Variants in KDM5A observed in about 807,000 individuals in gnomAD.
KDM5A encodes the protein lysine demethylase 5A.
In KDM5A, 42 loss-of-function variants were observed where a neutral mutation model predicts 193.5. The ratio of observed to expected loss-of-function variants is 0.22; its 90% CI spans 0.17 to 0.28. KDM5A has a LOEUF of 0.28. KDM5A is among the 10% of genes least tolerant of loss of function. KDM5A has a pLI of 1.00. For synonymous variants in KDM5A, 796 were observed against 718.1 expected, an observed-to-expected ratio of 1.11 and a Z score of -1.73; for missense variants, 1,692 against 2,055.1, an observed-to-expected ratio of 0.82 and a Z score of 3.42.
intron 17 of KDM5A, among the ~76,000 whole-genome samples, chr12:321,474 A>G (rs549491077): frequency 6.6e-6 from 1 of 152,350 alleles, no homozygotes; most frequent in Admixed American, 6.5e-5. Context: ...AAGTGCTTCA[A>G]AATTTTGTGT....
intron 1 of KDM5A, chr12:388,199 C>A: frequency 2.3e-6 from 1 of 439,112 alleles, no homozygotes; most frequent in Admixed American, 2.6e-5. Flanking sequence ...GCATTAATCC[C>A]CTCCACACAA....
chr12:347,816 GA>G (rs1219381470), intron 10 of KDM5A, among the ~76,000 whole-genome samples: 1 of 152,156 alleles, frequency 6.6e-6, no homozygotes, highest in Non-Finnish European at 1.5e-5. Flanking sequence ...AACCCTAGAA[GA>G]AAACCTAGGC....
At position 333,607 on chromosome 12, in the gene KDM5A, T is replaced by C. The variant is rs1196158505; in HGVS notation, c.1533A>G (p.Ala511=). 3.7e-6 allele frequency: 6 copies of C among 1,614,106 alleles called. No homozygotes were observed. Among genetic ancestry groups the C allele is most frequent in the Non-Finnish European group, 5.1e-6 (6 of 1,179,998 alleles). ...KTWYGVPSHA[A]EQLEEVMREL... The stretch of plus-strand genomic sequence containing the variant: ...CTCTCATCACCTCCTCCAGTTGCTC[T>C]GCAGCATGAGATGGCACACCATACC... The change falls in exon 12 of 28, where the codon GCA becomes GCG. Residue 511 remains alanine (A), a synonymous_variant. Coordinates refer to ENST00000399788, the MANE Select transcript of KDM5A (RefSeq NM_001042603.3).
intron 10 of KDM5A, among the ~76,000 whole-genome samples, chr12:340,694 C>CAAAAAAAAA (rs375465074): frequency 2.2e-4 from 11 of 51,114 alleles, no homozygotes; most frequent in South Asian, 1.0e-3. Flanking sequence ...GACTCCATCA[C>CAAAAAAAAA]AAAAAAAAAA....
chr12:386,328 A>T (rs963881388), intron 1 of KDM5A, among the ~76,000 whole-genome samples: 1 of 152,194 alleles, frequency 6.6e-6, no homozygotes, highest in African/African-American at 2.4e-5. Flanking sequence ...ATTTTATGCA[A>T]TATTTTTAAT....
chr12:324,449 T>C (rs1322306880), intron 14 of KDM5A, among the ~76,000 whole-genome samples: 1 of 152,154 alleles, frequency 6.6e-6, no homozygotes, highest in Non-Finnish European at 1.5e-5. Context: ...CAGTAATCTA[T>C]TATCCAAAAG....
chr12:352,164 T>TTTG, intron 9 of KDM5A, 41 bp downstream of exon 9: 1 of 1,543,154 alleles, frequency 6.5e-7, no homozygotes, highest in Non-Finnish European at 8.9e-7. Context: ...CAGGTAAATC[T>TTTG]TTGTACCTCC....
intron 3 of KDM5A, among the ~76,000 whole-genome samples, chr12:369,825 A>G (rs1341835709): frequency 6.6e-6 from 1 of 152,214 alleles, no homozygotes; most frequent in Non-Finnish European, 1.5e-5. Flanking sequence ...CTCTGACATA[A>G]TAATCTGCTT....
chr12:341,480 A>G (rs767900484), intron 10 of KDM5A, among the ~76,000 whole-genome samples: 43 of 130,750 alleles, frequency 3.3e-4, no homozygotes, highest in South Asian at 9.6e-4. Flanking sequence ...GACAAGAGGG[A>G]AAAAAAAAAT....
At chr12:309,084 G>A (rs1415608181) in intron 22 of KDM5A, among the ~76,000 whole-genome samples, 1 of 152,210 alleles carries the variant, frequency 6.6e-6, no homozygotes, top group Non-Finnish European at 1.5e-5. Context: ...GAAGGAAAAG[G>A]TTATAAAAGA....
chr12:321,504 G>A (rs1242867122), intron 17 of KDM5A, among the ~76,000 whole-genome samples: 3 of 152,188 alleles, frequency 2.0e-5, no homozygotes, highest in Non-Finnish European at 4.4e-5. Flanking sequence ...TTTTCTAAGA[G>A]GGTTCCTAAA....
chr12:388,902 CCT>C (rs775549926), intron 1 of KDM5A, 23 bp downstream of exon 1: 24 of 1,613,636 alleles, frequency 1.5e-5, no homozygotes, highest in East Asian at 8.9e-5. Context: ...TCCTTCTCCC[CCT>C]CTCTCTTCAC....
At chr12:356,365 A>G (rs1944229216) in intron 6 of KDM5A, 67 bp downstream of exon 6, 1 of 962,570 alleles carries the variant, frequency 1.0e-6, no homozygotes. Flanking sequence ...CAATTCAAGT[A>G]TCATTTGAGT....
rs10774152 is a variant in KDM5A, at chr12:386,051, G to A, written c.166-77C>T. On this transcript the variant is annotated intron_variant, in intron 1 of 27. Transcript: ENST00000399788. Reference sequence around the variant, plus strand: ...GCATTAATTATTCCCTTAAAGGGGGGTTTTGCCACAAATCATGGTGCTAAT... The same window carrying A: ...GCATTAATTATTCCCTTAAAGGGGGATTTTGCCACAAATCATGGTGCTAAT... 57 of 1,093,476 alleles carry A rather than the reference G, an allele frequency of 5.2e-5. No homozygotes were observed. The African/African-American group carries it at 7.7e-4, about 15-fold the overall frequency. The allele number at this position is 1,093,476 out of a possible 1,614,324, so 67.7% of individuals were successfully genotyped here. A position where few individuals can be genotyped will look rare whatever the true frequency, so the allele number is the denominator to read the frequency against.
At chr12:313,407 A>G (rs1192249371) in intron 19 of KDM5A, among the ~76,000 whole-genome samples, 1 of 152,184 alleles carries the variant, frequency 6.6e-6, no homozygotes, top group Non-Finnish European at 1.5e-5. Context: ...TTATAATAAA[A>G]TAAAATATAA....
rs1425870760 is a variant in KDM5A, at chr12:280,984, C to T, written c.*4472G>A. On this transcript the variant is annotated 3_prime_UTR_variant, in exon 28 of 28. Transcript: ENST00000399788. ...TGGCTCCCATATACTCACTAGTTTT[C>T]CTCAGGATTATCAATACTCATTATC... 4 of 232,904 alleles carry T rather than the reference C, an allele frequency of 1.7e-5. No individual in the cohort carries two copies. The highest frequency in any genetic ancestry group is 2.5e-5 in the Non-Finnish European group (3 of 117,906). 14.4% of individuals were successfully genotyped at this position (232,904 alleles called of 1,614,324 possible).
At chr12:296,654 G>A (rs1234450259) in intron 25 of KDM5A, among the ~76,000 whole-genome samples, 1 of 152,132 alleles carries the variant, frequency 6.6e-6, no homozygotes, top group African/African-American at 2.4e-5. Context: ...TCCAAGGAAA[G>A]GAAGAACTTT....
intron 3 of KDM5A, among the ~76,000 whole-genome samples, chr12:377,988 A>G (rs954731448): frequency 2.6e-5 from 4 of 152,208 alleles, no homozygotes; most frequent in African/African-American, 9.6e-5. Context: ...TCACAGTAAT[A>G]ATTTTAGATT....
intron 10 of KDM5A, among the ~76,000 whole-genome samples, chr12:337,488 C>A (rs1943949154): frequency 6.6e-6 from 1 of 151,964 alleles, no homozygotes; most frequent in Non-Finnish European, 1.5e-5. Context: ...ATGGAAGAGT[C>A]ATACGCAAAA....
Sources: allele counts gnomAD v4.1 joint callset (sites outside exome capture counted in the v4.1 genomes callset), GRCh38; gene constraint gnomAD v4.1.1; transcripts MANE v1.5; gene names NCBI Gene and HGNC (gene_info 2026-07-23, HGNC 2026-07-21).